Variants in SIM1 observed in about 807,000 individuals in gnomAD.
SIM1 encodes single-minded homolog 1.
SIM1 carries 18 observed loss-of-function variants against 78.2 expected under a neutral mutation model. The ratio of observed to expected loss-of-function variants is 0.23; its 90% CI spans 0.16 to 0.34. SIM1 has a LOEUF of 0.34. Ranked by LOEUF, SIM1 falls within the 10% of genes least tolerant of loss-of-function variation. SIM1 has a pLI of 1.00. For missense variants in SIM1, 939 were observed against 975.1 expected (o/e 0.96, Z 0.49); for synonymous variants, 417 against 385.2 (o/e 1.08, Z -0.97).
At chr6:100,408,081 CTA>C (rs947595617) in intron 10 of SIM1, among the ~76,000 whole-genome samples, 23 of 152,048 alleles carry the variant, frequency 1.5e-4, no homozygotes, top group African/African-American at 5.3e-4. Flanking sequence ...AGCTTTTTCC[CTA>C]TGTTTTTTTC....
At chr6:100,455,836 C>T (rs1242435705) in intron 2 of SIM1, among the ~76,000 whole-genome samples, 1 of 152,198 alleles carries the variant, frequency 6.6e-6, no homozygotes, top group Non-Finnish European at 1.5e-5. Context: ...CACCCCGAAG[C>T]GGCCTCCCAA....
intron 9 of SIM1, among the ~76,000 whole-genome samples, chr6:100,433,934 T>A (rs1008564256): frequency 6.6e-6 from 1 of 152,172 alleles, no homozygotes; most frequent in Admixed American, 6.5e-5. Flanking sequence ...CAGCTTGTCA[T>A]AGAGATGACT....
intron 9 of SIM1, among the ~76,000 whole-genome samples, chr6:100,427,636 G>A (rs1014689480): frequency 1.3e-5 from 2 of 152,200 alleles, no homozygotes; most frequent in African/African-American, 4.8e-5. Context: ...CCTCATAACA[G>A]AGATTGTGTA....
intron 2 of SIM1, among the ~76,000 whole-genome samples, chr6:100,461,933 G>A (rs1488259279): frequency 6.8e-6 from 1 of 147,296 alleles, no homozygotes; most frequent in Non-Finnish European, 1.5e-5. Context: ...ACTGTTCAAG[G>A]AACTGCTTTA....
intron 10 of SIM1, among the ~76,000 whole-genome samples, chr6:100,413,001 T>A (rs1363710057): frequency 6.6e-6 from 1 of 152,176 alleles, no homozygotes; most frequent in East Asian, 1.9e-4. Flanking sequence ...CTAGGGGCTA[T>A]TGGTTCTCTC....
chr6:100,449,134 C>T (rs187919994), intron 6 of SIM1, among the ~76,000 whole-genome samples: 1 of 152,226 alleles, frequency 6.6e-6, no homozygotes, highest in Non-Finnish European at 1.5e-5. Context: ...TCATAGCCCC[C>T]GCGGCCACCC....
chr6:100,408,086 T>C (rs1283100970), intron 10 of SIM1, among the ~76,000 whole-genome samples: 3 of 152,110 alleles, frequency 2.0e-5, no homozygotes, highest in Non-Finnish European at 4.4e-5. Context: ...TTTCCCTATG[T>C]TTTTTTCTAG....
intron 2 of SIM1, among the ~76,000 whole-genome samples, chr6:100,457,580 G>T (rs1009164849): frequency 6.6e-6 from 1 of 152,240 alleles, no homozygotes; most frequent in Non-Finnish European, 1.5e-5. Context: ...GGGCTGAGGC[G>T]TCGAGTGGCC....
intron 9 of SIM1, among the ~76,000 whole-genome samples, chr6:100,444,658 C>G (rs1018019582): frequency 2.6e-5 from 4 of 152,134 alleles, no homozygotes; most frequent in Non-Finnish European, 5.9e-5. Context: ...CTAAAATCAT[C>G]CAGTTTTCCT....
In SIM1 at chr6:100,386,716, C is replaced by T. The variant is rs1770521165; in HGVS notation, c.*3645G>A. 6.6e-6 allele frequency: 1 copy of T among 151,988 alleles called. No individual in the cohort carries two copies. Among genetic ancestry groups the T allele is most frequent in the African/African-American group, 2.4e-5 (1 of 41,422 alleles). The allele number at this position is 151,988 out of a possible 1,614,324, so 9.4% of individuals were successfully genotyped here. On this transcript the variant is annotated 3_prime_UTR_variant, in exon 12 of 12. Transcript: ENST00000369208. ...AATTAAGAATAGTGCCCGATGGAAA[C>T]AATCTAGCCCTATGAAATATAACCA... is the stretch of plus-strand genomic sequence containing the variant.
intron 10 of SIM1, among the ~76,000 whole-genome samples, chr6:100,399,392 A>C (rs1770852912): frequency 1.3e-5 from 2 of 152,112 alleles, no homozygotes; most frequent in African/African-American, 4.8e-5. Flanking sequence ...GTAATGACAA[A>C]ATTACAGATA....
At position 100,420,875 on chromosome 6, in the gene SIM1, G is replaced by T. The variant is rs145479047; in HGVS notation, c.1082C>A (p.Thr361Asn). The T allele has an allele frequency of 1.2e-6, 2 of 1,613,956 alleles. No individual in the cohort carries two copies. Among genetic ancestry groups the T allele is most frequent in the Admixed American group, 1.7e-5 (1 of 59,984 alleles). ...CTTTCTGTTGTCAGTCATGGTGGGG[G>T]TGGAGCTGCTGGTATAGGAGAAGGC... ...KPAFSYTSSS[T>N]PTMTDNRKGA... is the part of the protein sequence containing the mutation. Residue 361 changes from threonine to asparagine, a missense_variant, in exon 10 of 12, where the codon ACC (threonine) becomes AAC (asparagine). Thr to Asn is a moderately conservative substitution (Grantham distance 65, BLOSUM62 0). Around this residue, in one of 5 missense-constraint regions of SIM1, gnomAD observed 556 missense variants for 521.9 expected, o/e 1.07. Transcript: ENST00000369208.
At chr6:100,434,892 C>T (rs772400428) in intron 9 of SIM1, among the ~76,000 whole-genome samples, 19 of 151,980 alleles carry the variant, frequency 1.3e-4, no homozygotes, top group South Asian at 2.1e-4. Flanking sequence ...ATCCCTGGAG[C>T]GGGGGTGGGG....
chr6:100,457,989 G>T (rs912336572), intron 2 of SIM1, among the ~76,000 whole-genome samples: 2 of 144,156 alleles, frequency 1.4e-5, no homozygotes, highest in Non-Finnish European at 3.1e-5. Context: ...AGGTCACACC[G>T]CTGTCTGTCT....
intron 10 of SIM1, among the ~76,000 whole-genome samples, chr6:100,417,207 C>T (rs1771426085): frequency 6.6e-6 from 1 of 152,174 alleles, no homozygotes; most frequent in South Asian, 2.1e-4. Flanking sequence ...GAGTTCTACC[C>T]TCGACGCTAG....
intron 9 of SIM1, among the ~76,000 whole-genome samples, chr6:100,425,956 A>G (rs559088350): frequency 1.7e-4 from 26 of 152,336 alleles, no homozygotes; most frequent in Admixed American, 1.5e-3. Flanking sequence ...CTCTCCTTCT[A>G]AAGTTTTCTT....
chr6:100,433,395 C>G (rs1414547148), intron 9 of SIM1, among the ~76,000 whole-genome samples: 2 of 152,134 alleles, frequency 1.3e-5, no homozygotes, highest in Admixed American at 1.3e-4. Context: ...TTCCCTCCAT[C>G]GGGAATACTC....
rs17060502 is a variant in SIM1, at chr6:100,402,408, G to T, written c.1168-8519C>A. On this transcript the variant is annotated intron_variant, in intron 10 of 11. Coordinates refer to ENST00000369208, the MANE Select transcript of SIM1 (RefSeq NM_005068.3). ...AGTTTTCAAAGCTGGAAGGTAGTTT[G>T]GTACCAACAGTTTTTATCATTTACA... Among the ~76,000 whole-genome samples the T allele has an allele frequency of 6.4e-3, 978 of 152,074 alleles. 9 individuals are homozygous for T. Among genetic ancestry groups the T allele is most frequent in the African/African-American group, 0.022 (903 of 41,488 alleles).
chr6:100,392,557 A>G (rs900499869), intron 11 of SIM1, among the ~76,000 whole-genome samples: 2 of 152,248 alleles, frequency 1.3e-5, no homozygotes, highest in African/African-American at 4.8e-5. Context: ...AGAGATACTC[A>G]AAGTAAAATC....
Sources: allele counts gnomAD v4.1 joint callset (sites outside exome capture counted in the v4.1 genomes callset), GRCh38; gene constraint gnomAD v4.1.1; regional missense constraint gnomAD v4.1.1; transcripts MANE v1.5; gene names NCBI Gene and HGNC (gene_info 2026-07-23, HGNC 2026-07-21).